RUBCN: variants seen among roughly 807,000 people sequenced by gnomAD.
RUBCN encodes run domain Beclin-1-interacting and cysteine-rich domain-containing protein.
In RUBCN, 74 loss-of-function variants were observed where a neutral mutation model predicts 113.2. The observed-to-expected ratio is 0.65, with a 90% CI of 0.54 to 0.79. The LOEUF is 0.79. Among genes scored for constraint, RUBCN ranks in the 30% least tolerant of loss-of-function variants. The pLI is 0.00. For missense variants in RUBCN, 1,109 were observed against 1,251.7 expected, an observed-to-expected ratio of 0.89 and a Z score of 1.72; for synonymous variants, 480 against 490.0, an observed-to-expected ratio of 0.98 and a Z score of 0.27.
At position 197,674,570 on chromosome 3, in the gene RUBCN, A is replaced by G. The variant is rs1435456375; in HGVS notation, c.*448T>C. On this transcript the variant is annotated 3_prime_UTR_variant, in exon 20 of 20. Coordinates refer to ENST00000296343, the MANE Select transcript of RUBCN (RefSeq NM_014687.4). ...CCAGTCCAGGACAGGGAGAGGGAAA[A>G]CGCCATCCCCGTTTCAGCAGCAGGA... 5 of 509,084 alleles carry G rather than the reference A, an allele frequency of 9.8e-6. No homozygotes were observed. Among genetic ancestry groups the G allele is most frequent in the South Asian group, 7.3e-5 (5 of 68,134 alleles). 31.5% of individuals were successfully genotyped at this position (509,084 alleles called of 1,614,324 possible). A position where few individuals can be genotyped will look rare whatever the true frequency, so the allele number is the denominator to read the frequency against.
intron 2 of RUBCN, among the ~76,000 whole-genome samples, chr3:197,714,475 C>T (rs934583504): frequency 6.6e-6 from 1 of 152,134 alleles, no homozygotes; most frequent in East Asian, 1.9e-4. Flanking sequence ...CATGCACCAC[C>T]ATGGCTGGCT....
intron 1 of RUBCN, among the ~76,000 whole-genome samples, chr3:197,730,907 T>TC (rs1727367561): frequency 1.4e-5 from 2 of 147,030 alleles, no homozygotes; most frequent in Admixed American, 1.4e-4. Flanking sequence ...TTTTTTTTTT[T>TC]TTTTTTTTAC....
At chr3:197,708,101 AT>A (rs1246265222) in intron 2 of RUBCN, among the ~76,000 whole-genome samples, 1 of 152,110 alleles carries the variant, frequency 6.6e-6, no homozygotes, top group African/African-American at 2.4e-5. Flanking sequence ...AATGTTTAGC[AT>A]TTTTTATGAT....
rs1720257238 is a variant in RUBCN, at chr3:197,675,372, A to C, written c.2740+50T>G. ...TAACAGGGGTGGCTCTGGGGAATCA[A>C]GGAGCCCTGTGTTCAGGCTCACTTG... is the stretch of plus-strand genomic sequence containing the variant. On this transcript the variant is annotated intron_variant, in intron 19 of 19. Transcript: ENST00000296343. This position sits in a 1 kb window ranked among gnomAD's most constrained non-coding sequence, Gnocchi z 4.4. 1 of 1,555,776 alleles carries C rather than the reference A, an allele frequency of 6.4e-7. No homozygotes were observed.
Position 197,674,022 on chromosome 3 carries a change from C to G in RUBCN, c.*996G>C, listed in dbSNP as rs1313049185. 1.3e-5 allele frequency: 2 copies of G among 152,306 alleles called. No homozygotes were observed. Among genetic ancestry groups the G allele is most frequent in the Non-Finnish European group, 2.9e-5 (2 of 68,138 alleles). The allele number at this position is 152,306 out of a possible 1,614,324, so 9.4% of individuals were successfully genotyped here. A position where few individuals can be genotyped will look rare whatever the true frequency, so the allele number is the denominator to read the frequency against. On this transcript the variant is annotated 3_prime_UTR_variant, in exon 20 of 20. Coordinates refer to ENST00000296343, the MANE Select transcript of RUBCN (RefSeq NM_014687.4). Reference sequence around the variant, plus strand: ...AGAACGGAGTCGGGTTGTACTTTTACTCAGAAGCACAACGACCATCTAACA... The same window carrying G: ...AGAACGGAGTCGGGTTGTACTTTTAGTCAGAAGCACAACGACCATCTAACA...
rs531086549 is a variant in RUBCN at position 197,690,391 on chromosome 3, T to G, written c.1786+3324A>C. Among the ~76,000 whole-genome samples the G allele has an allele frequency of 4.9e-3, 739 of 152,312 alleles. 3 individuals are homozygous for G. The highest frequency in any genetic ancestry group is 0.014 in the Middle Eastern group (4 of 294). On this transcript the variant is annotated intron_variant, in intron 11 of 19. Transcript: ENST00000296343. ...AGGCAGAGGTTGCAGTGAGCCGAGA[T>G]TGCGCCATTGCACTCCAGCATGGGC...
At chr3:197,682,027 T>G (rs908323770) in intron 14 of RUBCN, 128 bp from the exon 15 acceptor site, 1 of 769,036 alleles carries the variant, frequency 1.3e-6, no homozygotes, top group African/African-American at 1.7e-5. Context: ...CACCTACATT[T>G]TAGTTGGACA....
In RUBCN at chr3:197,693,779, T is replaced by C. The variant is rs1220392388; in HGVS notation, c.1722A>G (p.Ser574=). ...AGTCAGAGAGCTGTGCCGAATCACG[T>C]GAGCTGAACTGGGAGCTGCTGGAGG... is the stretch of plus-strand genomic sequence containing the variant. ...RVTSSSSQFS[S]RDSAQLSDSG... Residue 574 remains serine, a synonymous_variant, in exon 11 of 20, where the codon TCA becomes TCG. Transcript: ENST00000296343. 6 of 1,612,680 alleles carry C rather than the reference T, an allele frequency of 3.7e-6. No homozygotes were observed. In the African/African-American group the frequency reaches 8.0e-5, roughly 22 times the overall value.
intron 2 of RUBCN, among the ~76,000 whole-genome samples, chr3:197,716,404 C>A (rs181835816): frequency 6.6e-6 from 1 of 152,186 alleles, no homozygotes; most frequent in Non-Finnish European, 1.5e-5. Flanking sequence ...GGATTACAGG[C>A]GTGAGCCACT....
upstream of RUBCN, among the ~76,000 whole-genome samples, chr3:197,739,869 C>G (rs1728453966): frequency 6.6e-6 from 1 of 152,084 alleles, no homozygotes; most frequent in South Asian, 2.1e-4. Context: ...AACTCTGTCT[C>G]TACTAAAAAT....
intron 2 of RUBCN, among the ~76,000 whole-genome samples, chr3:197,713,295 T>C (rs778195526): frequency 3.3e-5 from 5 of 152,224 alleles, no homozygotes; most frequent in Non-Finnish European, 5.9e-5. Flanking sequence ...TGTCTTGTAA[T>C]ATGGTTAAGT....
Position 197,705,161 on chromosome 3 carries a change from C to A in RUBCN, c.234G>T (p.Gln78His). ...CTTTCACGAACTGCCAGTAATCCGT[C>A]TGGCGGCGGCACGCCTGCAAAGGGA... is the stretch of plus-strand genomic sequence containing the variant. ...GLIRDQACRRQTDYWQFVKDI... is the reference protein window; with the variant it reads ...GLIRDQACRRHTDYWQFVKDI... Residue 78 changes from glutamine (Q) to histidine (H), a missense_variant, in exon 3 of 20, where the codon CAG becomes CAT. Physicochemically the swap from Gln to His is conservative, Grantham distance 24. Coordinates refer to ENST00000296343, the MANE Select transcript of RUBCN (RefSeq NM_014687.4). 1 of 1,614,122 alleles carries A rather than the reference C, an allele frequency of 6.2e-7. No individual in the cohort carries two copies. Among genetic ancestry groups the A allele is most frequent in the South Asian group, 1.1e-5 (1 of 91,052 alleles).
At chr3:197,727,949 G>A (rs1726943573) in intron 1 of RUBCN, among the ~76,000 whole-genome samples, 1 of 152,272 alleles carries the variant, frequency 6.6e-6, no homozygotes. Context: ...TTCAGTTTCA[G>A]GTAGATGATT....
intron 2 of RUBCN, among the ~76,000 whole-genome samples, chr3:197,713,059 A>C (rs1725132863): frequency 6.6e-6 from 1 of 152,126 alleles, no homozygotes; most frequent in Non-Finnish European, 1.5e-5. Context: ...GGGTTTCACC[A>C]TGTTGGTCAG....
At chr3:197,684,305 G>T in intron 11 of RUBCN, 88 bp from the exon 12 acceptor site, 1 of 984,246 alleles carries the variant, frequency 1.0e-6, no homozygotes, top group Non-Finnish European at 1.6e-6. Context: ...TCCCAGCTAA[G>T]CTCTCAGGGT....
At chr3:197,690,545 TA>T (rs373447426) in intron 11 of RUBCN, among the ~76,000 whole-genome samples, 509 of 152,326 alleles carry the variant, frequency 3.3e-3, no homozygotes, top group Non-Finnish European at 5.4e-3. Context: ...ACAGGAAACC[TA>T]CTTATTTGGA....
In RUBCN at chr3:197,749,393, G is replaced by A. The variant is rs567765477; in HGVS notation, c.-240C>T. On this transcript the variant is annotated 5_prime_UTR_variant, in exon 1 of 21. Transcript: ENST00000273582. ...GCATTTACTTTGGAGTTAAGGTGAC[G>A]CAGGAACCGTCACTGCAGCGTTTGC... 7.9e-4 allele frequency: 939 copies of A among 1,190,910 alleles called. 3 individuals carry two copies. In the Middle Eastern group the frequency reaches 0.011, roughly 13 times the overall value. 73.8% of individuals were successfully genotyped at this position (1,190,910 alleles called of 1,614,324 possible). A position where few individuals can be genotyped will look rare whatever the true frequency, so the allele number is the denominator to read the frequency against.
intron 11 of RUBCN, among the ~76,000 whole-genome samples, chr3:197,686,390 C>T (rs9858066): frequency 0.049 from 7,528 of 152,204 alleles, 603 homozygotes; most frequent in African/African-American, 0.17. Context: ...ATCATGAATA[C>T]GTCCAAGAGT....
chr3:197,697,212 G>A (rs560159608), intron 7 of RUBCN, among the ~76,000 whole-genome samples, 163 bp from the exon 8 acceptor site: 24 of 152,276 alleles, frequency 1.6e-4, no homozygotes, highest in Admixed American at 3.9e-4. Flanking sequence ...CAGAAACACA[G>A]GGAGGGAAGG....
Sources: gnomAD v4.1 joint callset for allele counts (sites outside exome capture counted in the v4.1 genomes callset) on GRCh38, gnomAD v4.1.1 for gene constraint, Gnocchi (gnomAD v3.1) non-coding constraint, MANE v1.5 for transcripts, NCBI Gene and HGNC (gene_info 2026-07-23, HGNC 2026-07-21) for gene names.